The following TTC7A variants were observed in gnomAD, a reference collection of about 807,000 sequenced individuals.
TTC7A encodes the protein tetratricopeptide repeat protein 7A.
Under a neutral mutation model 103.7 loss-of-function variants are expected in TTC7A, and 110 were observed. That is an observed-to-expected ratio of 1.06 (90% CI 0.91 to 1.24). The LOEUF is 1.24. TTC7A is among the 50% of genes most tolerant of loss of function. TTC7A has a pLI of 0.00. For synonymous variants in TTC7A, 521 were observed against 467.9 expected (o/e 1.11, Z -1.47); for missense variants, 1,340 against 1,116.3 (o/e 1.20, Z -2.86).
chr2:47,029,874 C>T lies in TTC7A; in HGVS notation c.1802+490C>T, dbSNP rs1183884296. On this transcript the variant is annotated intron_variant, in intron 15 of 19. Coordinates refer to ENST00000319190, the MANE Select transcript of TTC7A (RefSeq NM_020458.4). ...CCACCTCCCTCATTTACTGCATCAGCCAGATGTCCCACTTCTTGGAGCAGG... is the reference window on the plus strand; with the variant it reads ...CCACCTCCCTCATTTACTGCATCAGTCAGATGTCCCACTTCTTGGAGCAGG... 2.6e-5 allele frequency among the ~76,000 whole-genome samples: 4 copies of T among 152,212 alleles called. No homozygotes were observed. In the South Asian group the frequency reaches 8.3e-4, roughly 31 times the overall value.
chr2:46,992,917 C>T (rs1381648694), intron 5 of TTC7A, among the ~76,000 whole-genome samples: 2 of 152,242 alleles, frequency 1.3e-5, no homozygotes, highest in Non-Finnish European at 2.9e-5. Context: ...CTATGGCTCA[C>T]ACTTTTAAAA....
intron 8 of TTC7A, among the ~76,000 whole-genome samples, chr2:46,998,440 C>T (rs1309681036): frequency 6.6e-6 from 1 of 152,122 alleles, no homozygotes; most frequent in Non-Finnish European, 1.5e-5. Flanking sequence ...GGTATGGGTT[C>T]CACTCTACCA....
intron 19 of TTC7A, chr2:47,065,631 C>T (rs540136239): frequency 1.3e-5 from 2 of 152,200 alleles, no homozygotes; most frequent in Non-Finnish European, 2.9e-5. Flanking sequence ...CTTTTCTTTT[C>T]TCTGCTTCTT....
At chr2:47,051,967 G>A in intron 18 of TTC7A, 87 bp downstream of exon 18, 1 of 1,483,126 alleles carries the variant, frequency 6.7e-7, no homozygotes, top group Non-Finnish European at 9.1e-7. Context: ...GGGAGTGTGG[G>A]GAGGTGGGGA....
chr2:46,943,954 C>G (rs1448057642), intron 1 of TTC7A, among the ~76,000 whole-genome samples: 1 of 152,172 alleles, frequency 6.6e-6, no homozygotes, highest in African/African-American at 2.4e-5. Flanking sequence ...TGTGGGGACT[C>G]TTTCTGATCT....
intron 8 of TTC7A, among the ~76,000 whole-genome samples, chr2:47,002,216 C>A (rs1676893692): frequency 6.6e-6 from 1 of 152,172 alleles, no homozygotes. Flanking sequence ...AGGTTTAAAT[C>A]CTGGGATTAA....
At chr2:46,939,308 A>G (rs1332168625), upstream of TTC7A, among the ~76,000 whole-genome samples, 1 of 152,086 alleles carries the variant, frequency 6.6e-6, no homozygotes, top group Non-Finnish European at 1.5e-5. Context: ...TAATCCTAGC[A>G]CTTTGGGAGG....
At chr2:47,048,404 CCATG>C (rs1221003852) in intron 16 of TTC7A, among the ~76,000 whole-genome samples, 1 of 152,178 alleles carries the variant, frequency 6.6e-6, no homozygotes, top group Non-Finnish European at 1.5e-5. Flanking sequence ...CAGCCCTGCT[CCATG>C]CCAGCCCTGC....
chr2:46,977,345 C>G (rs1673981330), intron 4 of TTC7A, among the ~76,000 whole-genome samples: 1 of 152,232 alleles, frequency 6.6e-6, no homozygotes, highest in Non-Finnish European at 1.5e-5. Flanking sequence ...AAGACCTTCT[C>G]TTAAATCTCC....
chr2:47,039,977 ACT>A lies in TTC7A; in HGVS notation c.1803-6335_1803-6334del, dbSNP rs755906396. Among the ~76,000 whole-genome samples the A allele has an allele frequency of 7.2e-5, 11 of 152,086 alleles. No homozygotes were observed. In the East Asian group the frequency reaches 1.7e-3, roughly 24 times the overall value. The stretch of plus-strand genomic sequence containing the variant: ...ATGTCCCCTGGTTCAGCAGGGGCTG[ACT>A]CTGTTAGGTCACCTGAGTGCCTTTC... On this transcript the variant is annotated intron_variant, in intron 15 of 19. Transcript: ENST00000319190.
chr2:46,922,683 T>C (rs1669167478), intron 2 of TTC7A, among the ~76,000 whole-genome samples: 1 of 151,824 alleles, frequency 6.6e-6, no homozygotes, highest in Non-Finnish European at 1.5e-5. Flanking sequence ...TTTCTCCCAT[T>C]CTCTCACTCA....
In TTC7A at chr2:47,046,370, C is replaced by A; in HGVS notation, c.1858C>A (p.Leu620Ile). 6.2e-7 allele frequency: 1 copy of A among 1,614,214 alleles called. No homozygotes were observed. ...EQVLKGPEEA[L>I]VTCRQVLRLW... ...GGTGCTGAAAGGCCCAGAGGAAGCC[C>A]TCGTGACCTGCAGACAAGTGCTGAG... is the stretch of plus-strand genomic sequence containing the variant. Residue 620 changes from leucine to isoleucine, a missense_variant, in exon 16 of 20, where the codon CTC (leucine) becomes ATC (isoleucine). By Grantham distance (5) the Leu-to-Ile change is conservative (BLOSUM62 2). Coordinates refer to ENST00000319190, the MANE Select transcript of TTC7A (RefSeq NM_020458.4).
chr2:47,033,670 G>T (rs969635874), intron 15 of TTC7A, among the ~76,000 whole-genome samples: 4 of 152,226 alleles, frequency 2.6e-5, no homozygotes, highest in African/African-American at 9.6e-5. Flanking sequence ...ACAGACACCT[G>T]CTCTCTCTCC....
At chr2:46,920,628 G>T (rs2103800637) in intron 2 of TTC7A, among the ~76,000 whole-genome samples, 1 of 150,242 alleles carries the variant, frequency 6.7e-6, no homozygotes, top group South Asian at 2.1e-4. Context: ...ACCATGCCTG[G>T]CCTTAGTCTT....
chr2:47,011,927 C>T (rs934509326), intron 11 of TTC7A, among the ~76,000 whole-genome samples: 2 of 152,254 alleles, frequency 1.3e-5, no homozygotes, highest in Non-Finnish European at 2.9e-5. Context: ...CCCTGTGCTC[C>T]GCTGCCTGCT....
At chr2:46,978,097 G>A (rs1674050552) in intron 4 of TTC7A, 2 of 152,418 alleles carry the variant, frequency 1.3e-5, no homozygotes, top group South Asian at 4.1e-4. Flanking sequence ...AGTGAAGTCT[G>A]GTGGGAGCTG....
intron 14 of TTC7A, among the ~76,000 whole-genome samples, chr2:47,025,315 T>G (rs2104569420): frequency 6.6e-6 from 1 of 152,294 alleles, no homozygotes. Context: ...AGGACACCAC[T>G]GAGGCCGAGC....
rs951837058 is a variant in TTC7A, at chr2:46,957,007, G to C, written c.517G>C (p.Gly173Arg). Residue 173 changes from glycine to arginine, a missense_variant and splice_region_variant, in exon 3 of 20, where the codon GGC becomes CGC. Coordinates refer to ENST00000319190, the MANE Select transcript of TTC7A (RefSeq NM_020458.4). Reference protein sequence around the residue: ...RLLSEAFVIKGLSLERLPNSI... With the variant: ...RLLSEAFVIKRLSLERLPNSI... ...GCTGTCGGAGGCTTTTGTCATCAAAGGTAGCTGTGGGCACCAGCCTGGGCT... is the reference window on the plus strand; with the variant it reads ...GCTGTCGGAGGCTTTTGTCATCAAACGTAGCTGTGGGCACCAGCCTGGGCT... 1.9e-6 allele frequency: 3 copies of C among 1,613,998 alleles called. No individual in the cohort carries two copies. Among genetic ancestry groups the C allele is most frequent in the Admixed American group, 1.7e-5 (1 of 60,002 alleles).
At chr2:46,956,020 A>G (rs1053992196) in intron 2 of TTC7A, among the ~76,000 whole-genome samples, 2 of 152,206 alleles carry the variant, frequency 1.3e-5, no homozygotes, top group African/African-American at 4.8e-5. Context: ...GTCAGAACTC[A>G]CGTGCCAGGG....
Sources: allele counts gnomAD v4.1 joint callset (sites outside exome capture counted in the v4.1 genomes callset), GRCh38; gene constraint gnomAD v4.1.1; transcripts MANE v1.5; gene names NCBI Gene and HGNC (gene_info 2026-07-23, HGNC 2026-07-21).